PITPNM3: variants seen among roughly 807,000 people sequenced by gnomAD.
PITPNM3 encodes membrane-associated phosphatidylinositol transfer protein 3.
PITPNM3 carries 26 observed loss-of-function variants against 102.0 expected under a neutral mutation model. That is an observed-to-expected ratio of 0.25 (90% confidence interval 0.19 to 0.35). The LOEUF is 0.35. Among genes scored for constraint, PITPNM3 ranks in the 10% least tolerant of loss-of-function variants. PITPNM3 has a pLI of 1.00. For missense variants in PITPNM3, 1,083 were observed against 1,346.1 expected (o/e 0.80, Z 3.06); for synonymous variants, 578 against 558.6 (o/e 1.03, Z -0.49).
intron 4 of PITPNM3, among the ~76,000 whole-genome samples, chr17:6,497,669 C>A (rs537742718): frequency 6.6e-6 from 1 of 152,204 alleles, no homozygotes; most frequent in Non-Finnish European, 1.5e-5. Flanking sequence ...CAGCTGCCTG[C>A]GGCCCTCACC....
intron 2 of PITPNM3, among the ~76,000 whole-genome samples, chr17:6,536,639 G>A (rs962491881): frequency 6.6e-6 from 1 of 152,180 alleles, no homozygotes; most frequent in Non-Finnish European, 1.5e-5. Context: ...GAGCTGGTAG[G>A]GAAACTGAGG....
rs1282723975 is a variant in PITPNM3, at chr17:6,454,379, C to T, written c.*959G>A. 6.6e-6 allele frequency: 1 copy of T among 151,870 alleles called. No homozygotes were observed. Among genetic ancestry groups the T allele is most frequent in the Non-Finnish European group, 1.5e-5 (1 of 68,042 alleles). 9.4% of individuals were successfully genotyped at this position (151,870 alleles called of 1,614,324 possible). On this transcript the variant is annotated 3_prime_UTR_variant, in exon 20 of 20. Transcript: ENST00000262483. ...GCCCCTCCTTTCCAGCCCACCCAGA[C>T]CCCCTCTCCCAGGCTGTGTGAAAGG...
intron 4 of PITPNM3, among the ~76,000 whole-genome samples, chr17:6,493,352 G>T (rs1467170154): frequency 1.3e-5 from 2 of 152,240 alleles, no homozygotes; most frequent in Non-Finnish European, 2.9e-5. Flanking sequence ...CCAGCCTGGA[G>T]AAGAGCAGCA....
Position 6,464,909 on chromosome 17 carries a change from T to G in PITPNM3, c.1891-138A>C, listed in dbSNP as rs1332147477. On this transcript the variant is annotated intron_variant, in intron 14 of 19. Coordinates refer to ENST00000262483, the MANE Select transcript of PITPNM3 (RefSeq NM_031220.4). ...CTCTCTACTAACTTCTGCTAGAGTT[T>G]CAGAGATGTGTTCCCAGGGAACGTG... The G allele has an allele frequency of 5.9e-6, 5 of 852,560 alleles. No individual in the cohort carries two copies. The African/African-American group carries it at 6.6e-5, about 11-fold the overall frequency. The allele number at this position is 852,560 out of a possible 1,614,324, so 52.8% of individuals were successfully genotyped here.
rs561282668 is a variant in PITPNM3 at position 6,458,614 on chromosome 17, C to T, written c.2491-892G>A. 5.2e-3 allele frequency among the ~76,000 whole-genome samples: 787 copies of T among 152,240 alleles called. 12 individuals carry two copies. Among genetic ancestry groups the T allele is most frequent in the African/African-American group, 0.018 (734 of 41,532 alleles). ...TGTCCGCTCCGCTCAGGGCTTCTGC[C>T]CCCTCCCCACCACTTCTCCGCCAGC... On this transcript the variant is annotated intron_variant, in intron 18 of 19. Transcript: ENST00000262483. This position sits in a 1 kb window ranked among gnomAD's most constrained non-coding sequence, Gnocchi z 5.1.
At position 6,478,868 on chromosome 17, in the gene PITPNM3, G is replaced by T; in HGVS notation, c.588-132C>A. ...CCAGGGACCCTTCAGGAAGACCCAG[G>T]CAGGAGCCTGGTGACACAGAGCACA... On this transcript the variant is annotated intron_variant, in intron 6 of 19. Transcript: ENST00000262483. The surrounding 1 kb of genome is among the most constrained non-coding windows in gnomAD (Gnocchi z 4.4). The T allele has an allele frequency of 1.1e-6, 1 of 880,036 alleles. No individual in the cohort carries two copies. The highest frequency in any genetic ancestry group is 1.7e-6 in the Non-Finnish European group (1 of 586,754). The allele number at this position is 880,036 out of a possible 1,614,324, so 54.5% of individuals were successfully genotyped here.
chr17:6,486,081 G>T (rs564883696), intron 4 of PITPNM3, among the ~76,000 whole-genome samples: 1 of 152,234 alleles, frequency 6.6e-6, no homozygotes, highest in African/African-American at 2.4e-5. Flanking sequence ...AGACTTCAAA[G>T]GCATCCAACA....
rs751109775 is a variant in PITPNM3 at position 6,471,168 on chromosome 17, G to A, written c.1617C>T (p.Ala539=). The change falls in exon 12 of 20, where the codon GCC becomes GCT. Residue 539 remains alanine, a synonymous_variant. Coordinates refer to ENST00000262483, the MANE Select transcript of PITPNM3 (RefSeq NM_031220.4). ...CAAAAGGACCTCACTCACTGCGGGA[G>A]GCACCCACGGGTGCCATGCTGTCCG... The part of the protein sequence containing the change: ...ESSDSMAPVG[A]SRITAKWWGS... The A allele has an allele frequency of 6.2e-7, 1 of 1,612,168 alleles. No homozygotes were observed. Among genetic ancestry groups the A allele is most frequent in the African/African-American group, 1.3e-5 (1 of 74,878 alleles).
intron 14 of PITPNM3, among the ~76,000 whole-genome samples, chr17:6,465,781 C>T (rs79432057): frequency 0.049 from 7,399 of 152,252 alleles, 274 homozygotes; most frequent in South Asian, 0.12. Flanking sequence ...CCTGTGTTGG[C>T]CCTGACCAGC....
Position 6,455,068 on chromosome 17 carries a change from A to G in PITPNM3, c.*270T>C. 2.0e-6 allele frequency: 1 copy of G among 498,944 alleles called. No homozygotes were observed. Among genetic ancestry groups the G allele is most frequent in the Non-Finnish European group, 3.5e-6 (1 of 287,200 alleles). The allele number at this position is 498,944 out of a possible 1,614,324, so 30.9% of individuals were successfully genotyped here. A position where few individuals can be genotyped will look rare whatever the true frequency, so the allele number is the denominator to read the frequency against. ...CGGGCAAGCCTGCCCCCAGGATGACACAAACATGAACCCTGACTTGGGCTT... is the reference window on the plus strand; with the variant it reads ...CGGGCAAGCCTGCCCCCAGGATGACGCAAACATGAACCCTGACTTGGGCTT... On this transcript the variant is annotated 3_prime_UTR_variant, in exon 20 of 20. Transcript: ENST00000262483.
Position 6,525,375 on chromosome 17 carries a change from C to T in PITPNM3, c.207G>A (p.Gly69=), listed in dbSNP as rs147168699. The change falls in exon 3 of 20, where the codon GGG becomes GGA. Residue 69 remains glycine (G), a synonymous_variant. Transcript: ENST00000262483. ...TCTCACCTTGATGCTCGTCCAGTTT[C>T]CCCATGGTCTCGATCTGCTCCACGA... ...NDLVEQIETM[G]KLDEHQGEGT... 2 of 1,614,034 alleles carry T rather than the reference C, an allele frequency of 1.2e-6. No individual in the cohort carries two copies. The highest frequency in any genetic ancestry group is 1.6e-4 in the Middle Eastern group (1 of 6,084).
rs971117938 is a variant in PITPNM3 at position 6,537,111 on chromosome 17, G to A, written c.118+876C>T. Among the ~76,000 whole-genome samples, 30 of 152,072 alleles carry A rather than the reference G, an allele frequency of 2.0e-4. No individual in the cohort carries two copies. The highest frequency in any genetic ancestry group is 5.8e-4 in the African/African-American group (24 of 41,410). On this transcript the variant is annotated intron_variant, in intron 2 of 19. Coordinates refer to ENST00000262483, the MANE Select transcript of PITPNM3 (RefSeq NM_031220.4). The surrounding 1 kb of genome is among the most constrained non-coding windows in gnomAD (Gnocchi z 4.4). Reference sequence around the variant, plus strand: ...TTCTTTCAATCCCAACGTCAACAATGCTCCTTCCTATGTCTCATGGGTTGG... The same window carrying A: ...TTCTTTCAATCCCAACGTCAACAATACTCCTTCCTATGTCTCATGGGTTGG...
rs1286260608 is a variant in PITPNM3 at position 6,556,344 on chromosome 17, C to T, written c.22+41G>A. 2.4e-5 allele frequency: 34 copies of T among 1,392,978 alleles called. No individual in the cohort carries two copies. The highest frequency in any genetic ancestry group is 4.5e-5 in the African/African-American group (3 of 66,772). 86.3% of individuals were successfully genotyped at this position (1,392,978 alleles called of 1,614,324 possible). A position where few individuals can be genotyped will look rare whatever the true frequency, so the allele number is the denominator to read the frequency against. On this transcript the variant is annotated intron_variant, in intron 1 of 19. Coordinates refer to ENST00000262483, the MANE Select transcript of PITPNM3 (RefSeq NM_031220.4). This position sits in a 1 kb window ranked among gnomAD's most constrained non-coding sequence, Gnocchi z 5.2. ...CCCTCCTCTAGACGCGCGAGTCCCT[C>T]CCCCGGGCCCCGGCCCTGCCCTCCC...
chr17:6,476,487 G>A (rs561353234), intron 9 of PITPNM3, among the ~76,000 whole-genome samples: 1 of 152,290 alleles, frequency 6.6e-6, no homozygotes, highest in South Asian at 2.1e-4. Flanking sequence ...TTCTGTAGAG[G>A]AGCCTGCCTG....
intron 1 of PITPNM3, among the ~76,000 whole-genome samples, chr17:6,554,318 C>CAAAAA (rs35188321): frequency 1.3e-5 from 1 of 74,558 alleles, no homozygotes; most frequent in African/African-American, 5.4e-5. Context: ...GACTCCATCT[C>CAAAAA]AAAAAAAAAA....
chr17:6,505,077 G>A (rs1907407128), intron 3 of PITPNM3, among the ~76,000 whole-genome samples: 1 of 151,914 alleles, frequency 6.6e-6, no homozygotes, highest in Non-Finnish European at 1.5e-5. Flanking sequence ...TCGGGAGGCT[G>A]AGGCAGGAGA....
intron 15 of PITPNM3, 63 bp from the exon 16 acceptor site, chr17:6,464,381 G>A (rs1904655145): frequency 1.3e-6 from 2 of 1,557,862 alleles, no homozygotes; most frequent in South Asian, 1.1e-5. Context: ...TTGGCAGAGG[G>A]GCTGGGCGGG....
intron 1 of PITPNM3, among the ~76,000 whole-genome samples, chr17:6,544,654 T>TCTCTCACACACACACACACA (rs376230474): frequency 2.3e-5 from 3 of 130,206 alleles, no homozygotes; most frequent in African/African-American, 9.2e-5. Flanking sequence ...TCTCTCTCTC[T>TCTCTCACACACACACACACA]CACACACACA....
At position 6,453,082 on chromosome 17, in the gene PITPNM3, C is replaced by G. The variant is rs1201434846; in HGVS notation, c.*2256G>C. 1.3e-5 allele frequency: 2 copies of G among 149,992 alleles called. No individual in the cohort carries two copies. The highest frequency in any genetic ancestry group is 3.0e-5 in the Non-Finnish European group (2 of 67,550). 9.3% of individuals were successfully genotyped at this position (149,992 alleles called of 1,614,324 possible). On this transcript the variant is annotated 3_prime_UTR_variant, in exon 20 of 20. Coordinates refer to ENST00000262483, the MANE Select transcript of PITPNM3 (RefSeq NM_031220.4). The stretch of plus-strand genomic sequence containing the variant: ...TGCCTTCCTCTCTCTGTCTTCCTTT[C>G]TTTCCTCTGTCTTCCTTTCTTTCTC...
Sources: gnomAD v4.1 joint callset for allele counts (sites outside exome capture counted in the v4.1 genomes callset) on GRCh38, gnomAD v4.1.1 for gene constraint, Gnocchi (gnomAD v3.1) non-coding constraint, MANE v1.5 for transcripts, NCBI Gene and HGNC (gene_info 2026-07-23, HGNC 2026-07-21) for gene names.